SNTG2: variants seen among roughly 807,000 people sequenced by gnomAD.
The protein encoded by SNTG2 is syntrophin gamma 2.
Under a neutral mutation model 70.9 loss-of-function variants are expected in SNTG2, and 74 were observed. That is an observed-to-expected ratio of 1.04 (90% confidence interval 0.86 to 1.27). SNTG2 has a LOEUF of 1.27. SNTG2 is among the 50% of genes most tolerant of loss of function. The probability of loss-of-function intolerance (pLI) is 0.00; values close to 1 mark genes in which losing one functional copy is unlikely to be tolerated. For missense variants in SNTG2, 717 were observed against 690.7 expected, an observed-to-expected ratio of 1.04 and a Z score of -0.43; for synonymous variants, 278 against 273.8, an observed-to-expected ratio of 1.02 and a Z score of -0.15.
At chr2:1,224,948 A>G (rs1200548244) in intron 9 of SNTG2, among the ~76,000 whole-genome samples, 1 of 152,234 alleles carries the variant, frequency 6.6e-6, no homozygotes, top group Non-Finnish European at 1.5e-5. Context: ...AATATATAGG[A>G]AAAATGCAGT....
At chr2:1,161,952 T>C (rs1194707704) in intron 6 of SNTG2, among the ~76,000 whole-genome samples, 1 of 151,814 alleles carries the variant, frequency 6.6e-6, no homozygotes, top group Non-Finnish European at 1.5e-5. Context: ...CGGGCGCCTG[T>C]AGTCCCAGCT....
At chr2:1,263,760 G>C in intron 13 of SNTG2, among the ~76,000 whole-genome samples, 1 of 152,146 alleles carries the variant, frequency 6.6e-6, no homozygotes, top group Non-Finnish European at 1.5e-5. Context: ...CTGCATGCTG[G>C]CCACTCTGTC....
chr2:1,025,919 GA>G (rs1660458872), intron 1 of SNTG2, among the ~76,000 whole-genome samples: 1 of 152,218 alleles, frequency 6.6e-6, no homozygotes, highest in African/African-American at 2.4e-5. Context: ...AACCGCATTT[GA>G]GAGATTTGAA....
chr2:1,064,977 A>G (rs1663058787), intron 1 of SNTG2, among the ~76,000 whole-genome samples: 1 of 152,266 alleles, frequency 6.6e-6, no homozygotes, highest in African/African-American at 2.4e-5. Flanking sequence ...CTAAGCATCA[A>G]CAACATTGTG....
intron 1 of SNTG2, among the ~76,000 whole-genome samples, chr2:966,354 A>G (rs1660569396): frequency 6.6e-6 from 1 of 152,010 alleles, no homozygotes. Context: ...CTGATTCTGC[A>G]ATTTGTTACT....
chr2:978,472 A>G (rs1660987233), intron 1 of SNTG2, among the ~76,000 whole-genome samples: 1 of 152,210 alleles, frequency 6.6e-6, no homozygotes, highest in Admixed American at 6.5e-5. Flanking sequence ...AAATTAAATA[A>G]AAAGGAATTT....
intron 1 of SNTG2, among the ~76,000 whole-genome samples, chr2:998,562 C>T (rs191594442): frequency 6.6e-6 from 1 of 151,272 alleles, no homozygotes; most frequent in Non-Finnish European, 1.5e-5. Flanking sequence ...GAAAGAATCT[C>T]AAGAGTTTGA....
At chr2:1,003,104 G>A (rs1238559826) in intron 1 of SNTG2, among the ~76,000 whole-genome samples, 1 of 152,070 alleles carries the variant, frequency 6.6e-6, no homozygotes, top group Non-Finnish European at 1.5e-5. Context: ...AGAAAGTGGG[G>A]AGGGTGGTAA....
At chr2:1,251,827 A>T (rs1677791835) in intron 12 of SNTG2, among the ~76,000 whole-genome samples, 1 of 152,088 alleles carries the variant, frequency 6.6e-6, no homozygotes, top group Non-Finnish European at 1.5e-5. Context: ...ACTCATGCAC[A>T]CACCACATGC....
At chr2:956,055 G>GCCCCTGCCCCTA (rs1660132870) in intron 1 of SNTG2, among the ~76,000 whole-genome samples, 2 of 60,942 alleles carry the variant, frequency 3.3e-5, no homozygotes, top group African/African-American at 1.2e-4. Context: ...CCCTGCCCCT[G>GCCCCTGCCCCTA]CCCCTACCCC....
intron 8 of SNTG2, among the ~76,000 whole-genome samples, chr2:1,200,746 T>C (rs1673225235): frequency 6.6e-6 from 1 of 152,072 alleles, no homozygotes; most frequent in Admixed American, 6.5e-5. Context: ...AGAAGACATA[T>C]GGCCTATAGG....
intron 1 of SNTG2, among the ~76,000 whole-genome samples, chr2:1,032,018 G>A (rs752703469): frequency 1.3e-5 from 2 of 152,042 alleles, no homozygotes; most frequent in African/African-American, 4.8e-5. Flanking sequence ...AAAATGGTGG[G>A]CTGTATAGTA....
rs1316671428 is a variant in SNTG2, at chr2:1,060,966, A to C, written c.73-22552A>C. On this transcript the variant is annotated intron_variant, in intron 1 of 16. Transcript: ENST00000308624. Reference sequence around the variant, plus strand: ...AACTTGCGGGTCCACAACTTAACCAAGTGATCAAAATTAACACCACAAATG... The same window carrying C: ...AACTTGCGGGTCCACAACTTAACCACGTGATCAAAATTAACACCACAAATG... 5.9e-5 allele frequency among the ~76,000 whole-genome samples: 9 copies of C among 152,344 alleles called. No homozygotes were observed. The South Asian group carries it at 1.0e-3, about 18-fold the overall frequency.
intron 14 of SNTG2, among the ~76,000 whole-genome samples, chr2:1,297,307 A>G (rs1398466949): frequency 6.6e-6 from 1 of 152,224 alleles, no homozygotes; most frequent in Non-Finnish European, 1.5e-5. Flanking sequence ...GTACACATTC[A>G]TGTAAATATT....
At chr2:1,095,415 C>T (rs6717701) in intron 2 of SNTG2, among the ~76,000 whole-genome samples, 89,655 of 152,018 alleles carry the variant, frequency 0.59, 26,742 homozygotes, top group East Asian at 0.72. Flanking sequence ...CTGCACAAAG[C>T]AGGTATGAAA....
chr2:1,367,524 G>T lies in SNTG2; in HGVS notation c.*50G>T, dbSNP rs535672559. On this transcript the variant is annotated 3_prime_UTR_variant, in exon 17 of 17. Transcript: ENST00000308624. ...AAATTAAATTATTTTCGTAAGAAAT[G>T]ATTCTTTCCTGCAGAATATTGCAAC... 6.5e-7 allele frequency: 1 copy of T among 1,540,568 alleles called. No homozygotes were observed. Among genetic ancestry groups the T allele is most frequent in the South Asian group, 1.2e-5 (1 of 82,390 alleles).
At chr2:962,220 C>T (rs532682677) in intron 1 of SNTG2, among the ~76,000 whole-genome samples, 2 of 152,322 alleles carry the variant, frequency 1.3e-5, no homozygotes, top group African/African-American at 4.8e-5. Context: ...ACCACAGGCA[C>T]ATGCCACTAT....
intron 6 of SNTG2, among the ~76,000 whole-genome samples, chr2:1,146,581 A>G (rs1669123507): frequency 1.3e-5 from 2 of 152,212 alleles, no homozygotes; most frequent in South Asian, 4.1e-4. Context: ...GAAAGACTAG[A>G]ATAGCCAATG....
At chr2:1,304,535 G>A (rs1680592014) in intron 14 of SNTG2, among the ~76,000 whole-genome samples, 2 of 152,086 alleles carry the variant, frequency 1.3e-5, no homozygotes, top group African/African-American at 4.8e-5. Context: ...AGACCAGCCT[G>A]GTCAACATGG....
Sources: gnomAD v4.1 joint callset for allele counts (sites outside exome capture counted in the v4.1 genomes callset) on GRCh38, gnomAD v4.1.1 for gene constraint, MANE v1.5 for transcripts, NCBI Gene and HGNC (gene_info 2026-07-23, HGNC 2026-07-21) for gene names.